Variants in NLRC5 observed in about 807,000 individuals in gnomAD.
NLRC5 encodes the protein protein NLRC5.
In NLRC5, 114 loss-of-function variants were observed where a neutral mutation model predicts 206.9. The observed-to-expected ratio is 0.55, with a 90% CI of 0.47 to 0.64. NLRC5 has a LOEUF of 0.64. Ranked by LOEUF, NLRC5 falls within the 30% of genes least tolerant of loss-of-function variation. The pLI, the probability that NLRC5 is intolerant of heterozygous loss-of-function variation, is 0.00. For synonymous variants in NLRC5, 952 were observed against 962.8 expected (o/e 0.99, Z 0.21); for missense variants, 2,008 against 2,305.5 (o/e 0.87, Z 2.64).
Position 57,058,938 on chromosome 16 carries a change from C to T in NLRC5, c.3831-34C>T, listed in dbSNP as rs575235014. ...GGCAGGGCTCCAAGGAGGTCCTGCC[C>T]TCACTCCCATTCTCATCTCCATTTC... On this transcript the variant is annotated intron_variant, in intron 28 of 48. Transcript: ENST00000688547. 1.0e-5 allele frequency: 16 copies of T among 1,588,760 alleles called. No individual in the cohort carries two copies. The Admixed American group carries it at 1.7e-4, about 17-fold the overall frequency.
chr16:57,049,544 T>C (rs1282673839), intron 23 of NLRC5, among the ~76,000 whole-genome samples: 1 of 151,964 alleles, frequency 6.6e-6, no homozygotes, highest in Non-Finnish European at 1.5e-5. Context: ...GAGACTAGCC[T>C]GGCCAACATA....
At chr16:57,061,728 A>G in intron 32 of NLRC5, 27 bp downstream of exon 32, 1 of 1,589,546 alleles carries the variant, frequency 6.3e-7, no homozygotes, top group Non-Finnish European at 8.5e-7. Flanking sequence ...TGCCTCCGGG[A>G]GGGGCCATGG....
intron 23 of NLRC5, 130 bp from the exon 24 acceptor site, chr16:57,051,408 C>G: frequency 2.8e-6 from 2 of 715,590 alleles, no homozygotes; most frequent in Non-Finnish European, 5.0e-6. Flanking sequence ...ACCCATGGAC[C>G]CAGTGCTGGG....
At chr16:57,036,262 G>GCTGAT in intron 14 of NLRC5, 79 bp downstream of exon 14, 1 of 1,306,284 alleles carries the variant, frequency 7.7e-7, no homozygotes, top group Non-Finnish European at 1.1e-6. Flanking sequence ...GTAATCAGCA[G>GCTGAT]TAAGGGTGCT....
chr16:57,013,290 A>G (rs2059688805), intron 1 of NLRC5: 22 of 615,216 alleles, frequency 3.6e-5, no homozygotes, highest in South Asian at 3.2e-4. Context: ...GTGATCACTA[A>G]TATGTCATTT....
At chr16:57,054,662 G>GGCCA in intron 24 of NLRC5, 89 bp from the exon 25 acceptor site, 1 of 846,146 alleles carries the variant, frequency 1.2e-6, no homozygotes, top group Non-Finnish European at 2.1e-6. Flanking sequence ...TGAGCTGCTA[G>GGCCA]CCCTCCCCAC....
rs753898612 is a variant in NLRC5, at chr16:57,026,653, C to T, written c.1710C>T (p.Ser570=). 1.9e-6 allele frequency: 3 copies of T among 1,614,188 alleles called. No homozygotes were observed. Among genetic ancestry groups the T allele is most frequent in the Non-Finnish European group, 2.5e-6 (3 of 1,180,022 alleles). Residue 570 remains serine, a synonymous_variant, in exon 6 of 49, where the codon TCC becomes TCT. Coordinates refer to ENST00000688547, the MANE Select transcript of NLRC5 (RefSeq NM_001384950.1). ...CCACCTTCCTGGCGGGCCTGGCATCCTGCACCTGCCGCCCCTTCCTTAGCC... is the reference window on the plus strand; with the variant it reads ...CCACCTTCCTGGCGGGCCTGGCATCTTGCACCTGCCGCCCCTTCCTTAGCC... The part of the protein sequence containing the change: ...HLPTFLAGLA[S]CTCRPFLSHL...
intron 4 of NLRC5, among the ~76,000 whole-genome samples, chr16:57,023,345 T>A (rs921378286): frequency 6.6e-6 from 1 of 152,124 alleles, no homozygotes; most frequent in African/African-American, 2.4e-5. Flanking sequence ...ATGTGGGTGA[T>A]AAGAAATCGG....
At chr16:57,031,137 A>C (rs777682558) in intron 10 of NLRC5, among the ~76,000 whole-genome samples, 1 of 152,168 alleles carries the variant, frequency 6.6e-6, no homozygotes, top group South Asian at 2.1e-4. Context: ...AACTCACAAC[A>C]TTCTTAATTT....
chr16:57,015,584 T>G (rs1297524000), intron 1 of NLRC5, among the ~76,000 whole-genome samples: 13 of 141,600 alleles, frequency 9.2e-5, no homozygotes, highest in African/African-American at 3.5e-4. Context: ...AGACCCTGTC[T>G]CTTAAAAAAA....
At chr16:57,052,302 G>A (rs1352155816) in intron 24 of NLRC5, among the ~76,000 whole-genome samples, 2 of 151,982 alleles carry the variant, frequency 1.3e-5, no homozygotes, top group African/African-American at 4.8e-5. Context: ...GTGAAACCCC[G>A]TCTCTACTAA....
At chr16:57,019,810 G>A (rs1355435384) in intron 2 of NLRC5, among the ~76,000 whole-genome samples, 2 of 152,216 alleles carry the variant, frequency 1.3e-5, no homozygotes, top group African/African-American at 4.8e-5. Context: ...ATATTTAGTA[G>A]TTCTAATACT....
intron 19 of NLRC5, among the ~76,000 whole-genome samples, chr16:57,042,697 A>T (rs1175545888): frequency 6.6e-6 from 1 of 152,168 alleles, no homozygotes; most frequent in East Asian, 1.9e-4. Flanking sequence ...CTCTGTGAAC[A>T]CGCTTTGCTG....
At chr16:57,075,180 A>G (rs143162450) in intron 39 of NLRC5, among the ~76,000 whole-genome samples, 384 of 151,918 alleles carry the variant, frequency 2.5e-3, no homozygotes, top group Non-Finnish European at 3.7e-3. Flanking sequence ...AGCTGGGACT[A>G]CAGGCCTAAG....
chr16:57,024,954 A>G (rs78222362), intron 5 of NLRC5, among the ~76,000 whole-genome samples: 3,192 of 152,268 alleles, frequency 0.021, 187 homozygotes, highest in East Asian at 0.16. Flanking sequence ...CGGCTACAGT[A>G]AGCTAGGATC....
At chr16:57,012,406 T>C (rs927305253) in intron 1 of NLRC5, among the ~76,000 whole-genome samples, 16 of 152,220 alleles carry the variant, frequency 1.1e-4, no homozygotes, top group African/African-American at 3.6e-4. Flanking sequence ...GGTAATTCTA[T>C]TGTTTTACAT....
At chr16:57,000,623 C>T (rs2058132774) in intron 1 of NLRC5, among the ~76,000 whole-genome samples, 1 of 152,178 alleles carries the variant, frequency 6.6e-6, no homozygotes, top group African/African-American at 2.4e-5. Flanking sequence ...GCCTCAATTT[C>T]CTCATGTGTA....
rs977227027 is a variant in NLRC5 at position 57,061,681 on chromosome 16, C to T, written c.4134C>T (p.Pro1378=). ...LAILLSLVGR[P]AGLFSLRVQE... ...TCCTCCTGAGCTTGGTGGGGCGACCCGCAGGGCTGTTCAGCCTCAGGTACC... is the reference window on the plus strand; with the variant it reads ...TCCTCCTGAGCTTGGTGGGGCGACCTGCAGGGCTGTTCAGCCTCAGGTACC... The change falls in exon 32 of 49, where the codon CCC becomes CCT. Residue 1378 remains proline (P), a synonymous_variant. Transcript: ENST00000688547. 7 of 1,607,644 alleles carry T rather than the reference C, an allele frequency of 4.4e-6. No individual in the cohort carries two copies. The Admixed American group carries it at 5.0e-5, about 12-fold the overall frequency.
At chr16:57,045,624 T>C in intron 21 of NLRC5, 132 bp downstream of exon 21, 1 of 741,294 alleles carries the variant, frequency 1.3e-6, no homozygotes, top group Non-Finnish European at 2.4e-6. Context: ...GCACACTAGG[T>C]TTAATCACCA....
Sources: gnomAD v4.1 joint callset for allele counts (sites outside exome capture counted in the v4.1 genomes callset) on GRCh38, gnomAD v4.1.1 for gene constraint, MANE v1.5 for transcripts, NCBI Gene and HGNC (gene_info 2026-07-23, HGNC 2026-07-21) for gene names.